The following ADAM18 variants were observed in gnomAD, a reference collection of about 807,000 sequenced individuals.
ADAM18 encodes the protein disintegrin and metalloproteinase domain-containing protein 18.
In ADAM18, 117 loss-of-function variants were observed where a neutral mutation model predicts 94.4. The observed-to-expected ratio is 1.24, with a 90% CI of 1.07 to 1.45. ADAM18 has a LOEUF of 1.45. Among genes scored for constraint, ADAM18 ranks in the 40% most tolerant of loss-of-function variants. The pLI, the probability that ADAM18 is intolerant of heterozygous loss-of-function variation, is 0.00. For synonymous variants in ADAM18, 327 were observed against 291.6 expected, an observed-to-expected ratio of 1.12 and a Z score of -1.24; for missense variants, 936 against 880.0, an observed-to-expected ratio of 1.06 and a Z score of -0.81.
intron 18 of ADAM18, among the ~76,000 whole-genome samples, chr8:39,711,273 C>G (rs897697892): frequency 3.3e-5 from 5 of 152,000 alleles, no homozygotes; most frequent in Non-Finnish European, 7.4e-5. Flanking sequence ...ACTGGCAAAC[C>G]CTGAGTAAGG....
At chr8:39,677,388 C>T in intron 14 of ADAM18, 43 bp from the exon 15 acceptor site, 3 of 1,444,714 alleles carry the variant, frequency 2.1e-6, no homozygotes, top group Non-Finnish European at 2.9e-6. Flanking sequence ...ACATTTAACT[C>T]ATATTAAGAA....
chr8:39,684,842 T>A (rs1455252211), intron 16 of ADAM18, among the ~76,000 whole-genome samples: 1 of 152,166 alleles, frequency 6.6e-6, no homozygotes, highest in African/African-American at 2.4e-5. Flanking sequence ...GTAGTTAAAA[T>A]TCAACCCCTG....
chr8:39,620,294 A>G (rs1819569638), intron 6 of ADAM18, among the ~76,000 whole-genome samples: 1 of 149,694 alleles, frequency 6.7e-6, no homozygotes, highest in South Asian at 2.1e-4. Context: ...ACGAAACACT[A>G]TATGACATAG....
intron 6 of ADAM18, among the ~76,000 whole-genome samples, chr8:39,628,815 T>C (rs1043691803): frequency 6.6e-6 from 1 of 152,084 alleles, no homozygotes; most frequent in African/African-American, 2.4e-5. Flanking sequence ...GAACAGAATG[T>C]AAAATATCAG....
In ADAM18 at chr8:39,632,687, C is replaced by T. The variant is rs199534296; in HGVS notation, c.588+3248C>T. On this transcript the variant is annotated intron_variant, in intron 7 of 19. Coordinates refer to ENST00000265707, the MANE Select transcript of ADAM18 (RefSeq NM_014237.3). ...CTCATCAAATAAGTTAGTGAGTTTTCTTCTTCTTATAGTCTCTTCGAGAAT... is the reference window on the plus strand; with the variant it reads ...CTCATCAAATAAGTTAGTGAGTTTTTTTCTTCTTATAGTCTCTTCGAGAAT... Among the ~76,000 whole-genome samples the T allele has an allele frequency of 9.9e-5, 15 of 152,012 alleles. No individual in the cohort carries two copies. In the East Asian group the frequency reaches 1.5e-3, roughly 16 times the overall value.
chr8:39,690,907 A>G lies in ADAM18; in HGVS notation c.1822-1693A>G, dbSNP rs187563957. On this transcript the variant is annotated intron_variant, in intron 16 of 19. Coordinates refer to ENST00000265707, the MANE Select transcript of ADAM18 (RefSeq NM_014237.3). Reference sequence around the variant, plus strand: ...CTATCAAAGAGACACAAGCATTTGTATGTTCATTGTGAAACTATTCACAAT... The same window carrying G: ...CTATCAAAGAGACACAAGCATTTGTGTGTTCATTGTGAAACTATTCACAAT... Among the ~76,000 whole-genome samples, 1,279 of 152,338 alleles carry G rather than the reference A, an allele frequency of 8.4e-3. 6 individuals carry two copies. The highest frequency in any genetic ancestry group is 0.014 in the Non-Finnish European group (920 of 68,040).
chr8:39,597,534 G>A (rs1480691003), intron 2 of ADAM18, among the ~76,000 whole-genome samples: 2 of 152,128 alleles, frequency 1.3e-5, no homozygotes, highest in South Asian at 2.1e-4. Flanking sequence ...TGAAAAGACT[G>A]TCTTTACTTC....
chr8:39,629,646 C>G (rs923441540), intron 7 of ADAM18, among the ~76,000 whole-genome samples: 23 of 151,044 alleles, frequency 1.5e-4, no homozygotes, highest in Admixed American at 1.3e-3. Context: ...TTCACTCACT[C>G]CCTTTGTTTT....
At chr8:39,620,997 T>C (rs1351803518) in intron 6 of ADAM18, among the ~76,000 whole-genome samples, 2 of 151,990 alleles carry the variant, frequency 1.3e-5, no homozygotes, top group Non-Finnish European at 1.5e-5. Flanking sequence ...ATTATGTACA[T>C]TTATATGCCA....
rs541808774 is a variant in ADAM18, at chr8:39,719,063, G to C, written c.2018-4685G>C. Among the ~76,000 whole-genome samples, 3 of 151,190 alleles carry C rather than the reference G, an allele frequency of 2.0e-5. No homozygotes were observed. The East Asian group carries it at 5.8e-4, about 29-fold the overall frequency. The stretch of plus-strand genomic sequence containing the variant: ...ATGACTTTGAAAAAAAAATGTTGGA[G>C]GAAATACACTGCCCAATATTGAAAC... On this transcript the variant is annotated intron_variant, in intron 18 of 19. Transcript: ENST00000265707.
At chr8:39,633,765 T>C (rs1211632383) in intron 7 of ADAM18, among the ~76,000 whole-genome samples, 1 of 149,710 alleles carries the variant, frequency 6.7e-6, no homozygotes, top group African/African-American at 2.5e-5. Context: ...ATGGTTTAAA[T>C]ATGGATTTTA....
At chr8:39,599,113 A>G (rs149067096) in intron 2 of ADAM18, among the ~76,000 whole-genome samples, 2 of 152,146 alleles carry the variant, frequency 1.3e-5, no homozygotes, top group African/African-American at 2.4e-5. Flanking sequence ...GCCAGGCTGG[A>G]TTTTTTCAAA....
intron 18 of ADAM18, among the ~76,000 whole-genome samples, chr8:39,720,608 A>G (rs1822718816): frequency 1.3e-5 from 2 of 151,560 alleles, no homozygotes; most frequent in Non-Finnish European, 3.0e-5. Context: ...GAAAAAACTA[A>G]CACATCAAAA....
At chr8:39,676,837 T>C (rs1313591737) in intron 14 of ADAM18, among the ~76,000 whole-genome samples, 2 of 152,238 alleles carry the variant, frequency 1.3e-5, no homozygotes, top group African/African-American at 2.4e-5. Context: ...TACATTCACA[T>C]AGAGTGGATA....
At chr8:39,684,242 A>T (rs1821547765) in intron 16 of ADAM18, among the ~76,000 whole-genome samples, 1 of 152,100 alleles carries the variant, frequency 6.6e-6, no homozygotes, top group African/African-American at 2.4e-5. Context: ...CCATGTCATA[A>T]GCTATTTATA....
intron 15 of ADAM18, 23 bp from the exon 16 acceptor site, chr8:39,680,014 A>C: frequency 6.2e-7 from 1 of 1,611,926 alleles, no homozygotes; most frequent in Non-Finnish European, 8.5e-7. Context: ...ACTGATAAGG[A>C]ACTTTTTGCT....
intron 19 of ADAM18, among the ~76,000 whole-genome samples, chr8:39,728,031 G>T (rs1247618100): frequency 6.6e-6 from 1 of 152,078 alleles, no homozygotes; most frequent in African/African-American, 2.4e-5. Flanking sequence ...AGGTGAAGGG[G>T]CAAAAGGTAT....
At chr8:39,601,896 A>G (rs1234764639) in intron 2 of ADAM18, among the ~76,000 whole-genome samples, 1 of 152,016 alleles carries the variant, frequency 6.6e-6, no homozygotes, top group Non-Finnish European at 1.5e-5. Context: ...ACTACATTAG[A>G]TATTTTATAT....
At position 39,684,883 on chromosome 8, in the gene ADAM18, G is replaced by C. The variant is rs189365955; in HGVS notation, c.1821+4657G>C. Among the ~76,000 whole-genome samples, 340 of 152,224 alleles carry C rather than the reference G, an allele frequency of 2.2e-3. 1 individual carries two copies. Among genetic ancestry groups the C allele is most frequent in the African/African-American group, 7.8e-3 (323 of 41,528 alleles). On this transcript the variant is annotated intron_variant, in intron 16 of 19. Transcript: ENST00000265707. Reference sequence around the variant, plus strand: ...ACCACTGTGTTATCCGTAGATTCTAGACATTGTATGAGGGAGCATTGTGAA... The same window carrying C: ...ACCACTGTGTTATCCGTAGATTCTACACATTGTATGAGGGAGCATTGTGAA...
Sources: allele counts gnomAD v4.1 joint callset (sites outside exome capture counted in the v4.1 genomes callset), GRCh38; gene constraint gnomAD v4.1.1; transcripts MANE v1.5; gene names NCBI Gene and HGNC (gene_info 2026-07-23, HGNC 2026-07-21).